Variants in ADAM29 observed in about 807,000 individuals in gnomAD.
ADAM29 encodes disintegrin and metalloproteinase domain-containing protein 29.
For missense variants in ADAM29, 969 were observed against 1,001.8 expected, an observed-to-expected ratio of 0.97 and a Z score of 0.44; for synonymous variants, 367 against 342.3, an observed-to-expected ratio of 1.07 and a Z score of -0.80.
intron 4 of ADAM29, among the ~76,000 whole-genome samples, chr4:174,947,073 A>T (rs72710280): frequency 6.6e-6 from 1 of 151,612 alleles, no homozygotes; most frequent in Non-Finnish European, 1.5e-5. Context: ...TTGTATTTCT[A>T]TGGGGCCAAT....
chr4:174,961,666 A>C (rs1745829778), intron 4 of ADAM29, among the ~76,000 whole-genome samples: 2 of 152,310 alleles, frequency 1.3e-5, no homozygotes, highest in South Asian at 4.1e-4. Flanking sequence ...AAAAGATCTA[A>C]ACCATTTCAT....
intron 4 of ADAM29, among the ~76,000 whole-genome samples, chr4:174,941,635 C>A (rs955889964): frequency 6.6e-6 from 1 of 152,108 alleles, no homozygotes; most frequent in Non-Finnish European, 1.5e-5. Context: ...CCCCCATGAT[C>A]AAATCACCAC....
chr4:174,933,318 C>T (rs73869045), intron 3 of ADAM29, among the ~76,000 whole-genome samples: 26,592 of 152,012 alleles, frequency 0.17, 2,829 homozygotes, highest in African/African-American at 0.29. Flanking sequence ...AGAAACTTCT[C>T]GAGCTCCCTA....
At chr4:174,927,617 A>G (rs1743594406) in intron 2 of ADAM29, among the ~76,000 whole-genome samples, 1 of 152,184 alleles carries the variant, frequency 6.6e-6, no homozygotes. Flanking sequence ...TTGCATACAA[A>G]TTGTGATTAA....
chr4:174,925,256 C>G (rs142807442), intron 2 of ADAM29, among the ~76,000 whole-genome samples: 1 of 152,022 alleles, frequency 6.6e-6, no homozygotes, highest in Non-Finnish European at 1.5e-5. Flanking sequence ...GATTTAATAA[C>G]GAGGTGTTAA....
intron 4 of ADAM29, among the ~76,000 whole-genome samples, chr4:174,940,601 C>A (rs1744479405): frequency 2.6e-5 from 4 of 152,222 alleles, no homozygotes; most frequent in Admixed American, 1.3e-4. Context: ...ATTTTGCCAA[C>A]ATTCCTTGCC....
intron 2 of ADAM29, among the ~76,000 whole-genome samples, chr4:174,924,379 C>A (rs1743365190): frequency 6.6e-6 from 1 of 152,154 alleles, no homozygotes; most frequent in Admixed American, 6.5e-5. Flanking sequence ...TCATTCACTG[C>A]TAGTTTTGGA....
intron 2 of ADAM29, among the ~76,000 whole-genome samples, chr4:174,923,423 G>A (rs1168109021): frequency 6.6e-6 from 1 of 151,172 alleles, no homozygotes; most frequent in Non-Finnish European, 1.5e-5. Context: ...CACAGGGTGA[G>A]TGCCCCATAA....
At chr4:174,958,440 G>A (rs1467156687) in intron 4 of ADAM29, among the ~76,000 whole-genome samples, 1 of 151,666 alleles carries the variant, frequency 6.6e-6, no homozygotes, top group East Asian at 1.9e-4. Context: ...CTTTCCTGAT[G>A]TCTTCTTGTC....
At chr4:174,926,123 A>T (rs1743502988) in intron 2 of ADAM29, among the ~76,000 whole-genome samples, 1 of 152,228 alleles carries the variant, frequency 6.6e-6, no homozygotes, top group Non-Finnish European at 1.5e-5. Context: ...TCATAATAAC[A>T]ATTATGTATT....
chr4:174,947,173 T>A (rs1440893064), intron 4 of ADAM29, among the ~76,000 whole-genome samples: 2 of 152,060 alleles, frequency 1.3e-5, no homozygotes, highest in Non-Finnish European at 2.9e-5. Context: ...CTATTAATCA[T>A]ATTTATTTTT....
At chr4:174,957,285 T>A (rs1274228350) in intron 4 of ADAM29, among the ~76,000 whole-genome samples, 1 of 151,878 alleles carries the variant, frequency 6.6e-6, no homozygotes. Flanking sequence ...TGTAATGAGC[T>A]TAATGCTAAG....
intron 4 of ADAM29, among the ~76,000 whole-genome samples, chr4:174,965,373 C>G (rs1746087795): frequency 6.6e-6 from 1 of 152,066 alleles, no homozygotes; most frequent in Non-Finnish European, 1.5e-5. Context: ...AAGAGGTCTA[C>G]CCCCATGATC....
Position 174,975,517 on chromosome 4 carries a change from T to G in ADAM29, c.-9T>G. 1 of 1,499,726 alleles carries G rather than the reference T, an allele frequency of 6.7e-7. No individual in the cohort carries two copies. Among genetic ancestry groups the G allele is most frequent in the South Asian group, 1.4e-5 (1 of 71,458 alleles). The allele number at this position is 1,499,726 out of a possible 1,614,324, so 92.9% of individuals were successfully genotyped here. On this transcript the variant is annotated 5_prime_UTR_variant, in exon 5 of 5. Coordinates refer to ENST00000359240, the MANE Select transcript of ADAM29 (RefSeq NM_014269.4). Reference sequence around the variant, plus strand: ...TTCAAAATCACTGTGATTTGAAGCCTTTTTGAACATGAAGATGTTACTCCT... The same window carrying G: ...TTCAAAATCACTGTGATTTGAAGCCGTTTTGAACATGAAGATGTTACTCCT...
intron 2 of ADAM29, among the ~76,000 whole-genome samples, chr4:174,925,360 T>A (rs529332086): frequency 5.9e-4 from 72 of 122,570 alleles, no homozygotes; most frequent in African/African-American, 2.0e-3. Flanking sequence ...CTCTGTGCTA[T>A]CTTTGCATTT....
chr4:174,943,915 A>G (rs1744691985), intron 4 of ADAM29, among the ~76,000 whole-genome samples: 1 of 152,152 alleles, frequency 6.6e-6, no homozygotes, highest in South Asian at 2.1e-4. Flanking sequence ...TGGTTACATT[A>G]AAAGTAAGCA....
At chr4:174,946,552 G>C (rs948366241) in intron 4 of ADAM29, among the ~76,000 whole-genome samples, 6 of 152,160 alleles carry the variant, frequency 3.9e-5, no homozygotes, top group Non-Finnish European at 7.4e-5. Flanking sequence ...ATTGGTGAGA[G>C]AGGGTATCCT....
intron 4 of ADAM29, among the ~76,000 whole-genome samples, chr4:174,941,067 A>G (rs370015574): frequency 2.0e-5 from 3 of 152,166 alleles, no homozygotes; most frequent in East Asian, 3.9e-4. Flanking sequence ...ATAAAATTCT[A>G]TTTACCATGA....
Position 174,975,890 on chromosome 4 carries a change from G to T in ADAM29, c.365G>T (p.Gly122Val). The change falls in exon 5 of 5, where the codon GGT becomes GTT. Residue 122 changes from glycine (G) to valine (V), a missense_variant. Transcript: ENST00000359240. The part of the protein sequence containing the change: ...SLVSLSTCFG[G>V]FQGILQINDF... ...GTTTCCCTCAGTACCTGTTTTGGGG[G>T]TTTTCAAGGAATATTACAGATAAAT... The T allele has an allele frequency of 2.5e-6, 4 of 1,613,436 alleles. No homozygotes were observed. In the African/African-American group the frequency reaches 4.0e-5, roughly 16 times the overall value.
Sources: gnomAD v4.1 joint callset for allele counts (sites outside exome capture counted in the v4.1 genomes callset) on GRCh38, gnomAD v4.1.1 for gene constraint, MANE v1.5 for transcripts, NCBI Gene and HGNC (gene_info 2026-07-23, HGNC 2026-07-21) for gene names.